The following CCDC138 variants were observed in gnomAD, a reference collection of about 807,000 sequenced individuals.
The protein encoded by CCDC138 is coiled-coil domain-containing protein 138.
A neutral mutation model predicts 82.3 loss-of-function variants in CCDC138; 66 were observed. That is an observed-to-expected ratio of 0.80 (90% CI 0.66 to 0.98). The LOEUF (loss-of-function observed/expected upper bound fraction) is 0.98. CCDC138 is among the 50% of genes least tolerant of loss of function. The probability of loss-of-function intolerance (pLI) is 0.00; values close to 1 mark genes in which losing one functional copy is unlikely to be tolerated. For missense variants in CCDC138, 816 were observed against 758.9 expected, an observed-to-expected ratio of 1.08 and a Z score of -0.88; for synonymous variants, 297 against 265.4, an observed-to-expected ratio of 1.12 and a Z score of -1.16.
At chr2:108,816,148 G>T (rs776534482) in intron 10 of CCDC138, 43 bp downstream of exon 10, 1 of 1,472,964 alleles carries the variant, frequency 6.8e-7, no homozygotes, top group South Asian at 1.2e-5. Flanking sequence ...AATATATGAA[G>T]ATTAAAAAAG....
intron 12 of CCDC138, among the ~76,000 whole-genome samples, chr2:108,853,676 A>G (rs1691918942): frequency 1.3e-5 from 2 of 149,734 alleles, no homozygotes; most frequent in Admixed American, 6.8e-5. Flanking sequence ...ACAGGCATGC[A>G]CTACGATGAC....
intron 12 of CCDC138, among the ~76,000 whole-genome samples, chr2:108,855,162 T>G (rs1045403933): frequency 6.6e-6 from 1 of 152,166 alleles, no homozygotes; most frequent in South Asian, 2.1e-4. Context: ...ATCTGAAATA[T>G]TCAATAAATT....
chr2:108,839,312 A>G lies in CCDC138; in HGVS notation c.1323+11A>G, dbSNP rs751849074. On this transcript the variant is annotated intron_variant, in intron 11 of 14. Coordinates refer to ENST00000295124, the MANE Select transcript of CCDC138 (RefSeq NM_144978.3). ...GATGCTGGAGCACAGGTAATTGGTTAATAGGAATTTATCTATAAGTAATAC... is the reference window on the plus strand; with the variant it reads ...GATGCTGGAGCACAGGTAATTGGTTGATAGGAATTTATCTATAAGTAATAC... 4.4e-6 allele frequency: 7 copies of G among 1,603,466 alleles called. No individual in the cohort carries two copies. In the South Asian group the frequency reaches 6.7e-5, roughly 15 times the overall value.
At chr2:108,846,673 T>C (rs1447749712) in intron 11 of CCDC138, 65 bp from the exon 12 acceptor site, 2 of 1,408,992 alleles carry the variant, frequency 1.4e-6, no homozygotes, top group African/African-American at 2.9e-5. Context: ...CAAGACTGTG[T>C]CTCAAAAAAA....
In CCDC138 at chr2:108,846,799, C is replaced by CT. The variant is rs1690570470; in HGVS notation, c.1386dup (p.Lys463Ter). 6.2e-7 allele frequency: 1 copy of CT among 1,612,720 alleles called. No individual in the cohort carries two copies. The highest frequency in any genetic ancestry group is 8.5e-7 in the Non-Finnish European group (1 of 1,178,982). On this transcript the variant is annotated frameshift_variant, in exon 12 of 15. Coordinates refer to ENST00000295124, the MANE Select transcript of CCDC138 (RefSeq NM_144978.3). LOFTEE classifies it high-confidence loss of function. ...GAAGACATTTTTAAAGGAGTGGTAA[C>CT]TAAAGGAATTCAGGATAATTCTCCA...
chr2:108,805,816 C>A (rs913079357), intron 7 of CCDC138, among the ~76,000 whole-genome samples: 7 of 151,528 alleles, frequency 4.6e-5, no homozygotes, highest in Non-Finnish European at 8.8e-5. Context: ...TTTTTCCTTC[C>A]ATCTGCCAGT....
chr2:108,858,299 G>T (rs1692964596), intron 13 of CCDC138, among the ~76,000 whole-genome samples: 1 of 152,156 alleles, frequency 6.6e-6, no homozygotes, highest in Non-Finnish European at 1.5e-5. Flanking sequence ...AGCCAAGATT[G>T]TGCCACTGTA....
intron 11 of CCDC138, among the ~76,000 whole-genome samples, chr2:108,842,803 A>G (rs1241522651): frequency 6.6e-6 from 1 of 152,246 alleles, no homozygotes; most frequent in Non-Finnish European, 1.5e-5. Flanking sequence ...TACATTTAAA[A>G]TGAATGCCAG....
At chr2:108,810,488 C>T (rs1431944333) in intron 7 of CCDC138, among the ~76,000 whole-genome samples, 1 of 152,116 alleles carries the variant, frequency 6.6e-6, no homozygotes, top group Non-Finnish European at 1.5e-5. Flanking sequence ...ATATTTGAGC[C>T]TTCCTGTGTC....
At chr2:108,832,244 C>T (rs1486165976) in intron 10 of CCDC138, among the ~76,000 whole-genome samples, 1 of 151,748 alleles carries the variant, frequency 6.6e-6, no homozygotes, top group Non-Finnish European at 1.5e-5. Context: ...CCTGGCTGGT[C>T]TCAAACTCCT....
chr2:108,875,948 C>G, intron 14 of CCDC138, 140 bp from the exon 15 acceptor site: 1 of 577,518 alleles, frequency 1.7e-6, no homozygotes, highest in Non-Finnish European at 3.0e-6. Flanking sequence ...GCATTCTAAT[C>G]TTTTAGTTGC....
rs1334949053 is a variant in CCDC138, at chr2:108,788,978, T to C, written c.266+12T>C. The C allele has an allele frequency of 3.7e-6, 6 of 1,612,994 alleles. No individual in the cohort carries two copies. Among genetic ancestry groups the C allele is most frequent in the Non-Finnish European group, 5.1e-6 (6 of 1,179,428 alleles). Reference sequence around the variant, plus strand: ...GTAAATGTGAATTGGTAAAGTACCCTGAAACTTTACTGTTGCTACCCCCTC... The same window carrying C: ...GTAAATGTGAATTGGTAAAGTACCCCGAAACTTTACTGTTGCTACCCCCTC... On this transcript the variant is annotated intron_variant, in intron 3 of 14. Transcript: ENST00000295124.
chr2:108,792,651 A>G (rs1680089267), intron 4 of CCDC138, among the ~76,000 whole-genome samples: 1 of 152,208 alleles, frequency 6.6e-6, no homozygotes, highest in South Asian at 2.1e-4. Context: ...TCATTTTAAA[A>G]AATTCATACT....
At chr2:108,884,374 C>T (rs1352878779) in intron 2 of CCDC138, 1 of 152,156 alleles carries the variant, frequency 6.6e-6, no homozygotes, top group Non-Finnish European at 1.5e-5. Context: ...AGTGTAATTC[C>T]ACAAGGCACA....
intron 11 of CCDC138, among the ~76,000 whole-genome samples, chr2:108,840,573 A>G (rs1246497578): frequency 6.6e-6 from 1 of 152,094 alleles, no homozygotes; most frequent in African/African-American, 2.4e-5. Context: ...TTTTTGAGGG[A>G]CTGAACCATT....
At chr2:108,852,367 A>T (rs1691655884) in intron 12 of CCDC138, among the ~76,000 whole-genome samples, 1 of 152,218 alleles carries the variant, frequency 6.6e-6, no homozygotes, top group Non-Finnish European at 1.5e-5. Flanking sequence ...ACCTAAAGAC[A>T]AATGCCATTC....
chr2:108,813,481 T>C (rs1392859470), intron 9 of CCDC138, among the ~76,000 whole-genome samples: 1 of 152,176 alleles, frequency 6.6e-6, no homozygotes, highest in East Asian at 1.9e-4. Flanking sequence ...CAGGTACGTA[T>C]CATTGACACA....
intron 6 of CCDC138, among the ~76,000 whole-genome samples, chr2:108,799,649 T>G (rs954607449): frequency 5.9e-5 from 9 of 152,238 alleles, no homozygotes; most frequent in African/African-American, 1.7e-4. Flanking sequence ...TAACTGAGCT[T>G]CTTCAATTTG....
chr2:108,882,245 A>T (rs1696312213), intron 1 of CCDC138: 1 of 152,214 alleles, frequency 6.6e-6, no homozygotes, highest in Non-Finnish European at 1.5e-5. Flanking sequence ...TGAAAAATGC[A>T]AATTACCAAA....
Sources: allele counts gnomAD v4.1 joint callset (sites outside exome capture counted in the v4.1 genomes callset), GRCh38; gene constraint gnomAD v4.1.1; transcripts MANE v1.5; gene names NCBI Gene and HGNC (gene_info 2026-07-23, HGNC 2026-07-21).